Variants in ZNF385D observed in about 807,000 individuals in gnomAD.
ZNF385D encodes the protein zinc finger protein 659.
ZNF385D carries 15 observed loss-of-function variants against 35.8 expected under a neutral mutation model. The ratio of observed to expected loss-of-function variants is 0.42; its 90% CI spans 0.28 to 0.64. The LOEUF (loss-of-function observed/expected upper bound fraction) is 0.64. Among genes scored for constraint, ZNF385D ranks in the 30% least tolerant of loss-of-function variants. The probability of loss-of-function intolerance (pLI) is 0.23; values close to 1 mark genes in which losing one functional copy is unlikely to be tolerated. For missense variants in ZNF385D, 474 were observed against 494.6 expected (o/e 0.96, Z 0.39); for synonymous variants, 212 against 186.8 (o/e 1.13, Z -1.10).
At chr3:21,560,450 T>C in intron 3 of ZNF385D, among the ~76,000 whole-genome samples, 1 of 152,196 alleles carries the variant, frequency 6.6e-6, no homozygotes, top group East Asian at 1.9e-4. Context: ...CAGACCCTGT[T>C]TGCCTGGGTA....
intron 3 of ZNF385D, among the ~76,000 whole-genome samples, chr3:21,524,669 G>A (rs568405951): frequency 1.4e-4 from 22 of 152,282 alleles, no homozygotes; most frequent in African/African-American, 3.4e-4. Flanking sequence ...GAGGGGATTC[G>A]TAAAGTCCAA....
intron 3 of ZNF385D, among the ~76,000 whole-genome samples, chr3:21,802,830 T>C (rs766351547): frequency 2.0e-5 from 3 of 152,272 alleles, no homozygotes; most frequent in South Asian, 2.1e-4. Context: ...AAAGTGTTTG[T>C]GAAATGCTTA....
At chr3:21,498,604 G>T (rs145448573) in intron 4 of ZNF385D, among the ~76,000 whole-genome samples, 1 of 152,058 alleles carries the variant, frequency 6.6e-6, no homozygotes. Context: ...AGGAAAAAAT[G>T]CTCAACATCA....
At chr3:21,873,639 C>T (rs2125851017) in intron 3 of ZNF385D, among the ~76,000 whole-genome samples, 1 of 152,174 alleles carries the variant, frequency 6.6e-6, no homozygotes, top group South Asian at 2.1e-4. Flanking sequence ...CTTCCCATTT[C>T]TGCCTCCGCT....
chr3:21,570,655 G>A (rs577292583), intron 2 of ZNF385D, among the ~76,000 whole-genome samples: 20 of 152,244 alleles, frequency 1.3e-4, no homozygotes, highest in African/African-American at 3.4e-4. Context: ...TGTGTTTGAT[G>A]GTCATAGAAT....
At chr3:21,912,911 C>G (rs1324887076) in intron 3 of ZNF385D, among the ~76,000 whole-genome samples, 3 of 151,928 alleles carry the variant, frequency 2.0e-5, no homozygotes, top group African/African-American at 4.8e-5. Context: ...TCTTGGCTTC[C>G]ACATCTAAGA....
intron 1 of ZNF385D, among the ~76,000 whole-genome samples, chr3:21,705,563 T>C (rs1045001486): frequency 6.6e-6 from 1 of 152,206 alleles, no homozygotes; most frequent in African/African-American, 2.4e-5. Context: ...TACGTGGGCA[T>C]GGGAAGGCAA....
chr3:21,856,355 C>T (rs978022248), intron 3 of ZNF385D, among the ~76,000 whole-genome samples: 1 of 151,976 alleles, frequency 6.6e-6, no homozygotes, highest in Non-Finnish European at 1.5e-5. Context: ...CAGTCAATCC[C>T]TTGGCTTTAA....
rs145798881 is a variant in ZNF385D, at chr3:21,892,650, C to T, written c.326-227622G>A. Among the ~76,000 whole-genome samples, 688 of 152,232 alleles carry T rather than the reference C, an allele frequency of 4.5e-3. 6 individuals are homozygous for T. Among genetic ancestry groups the T allele is most frequent in the African/African-American group, 0.015 (621 of 41,558 alleles). On this transcript the variant is annotated intron_variant, in intron 3 of 5. Transcript: ENST00000494108. ...AAAGGAGCTAAACATAGGTCTTTAA[C>T]AGACTTTAAATTTAAATTAAATTTA...
intron 3 of ZNF385D, chr3:21,957,240 T>A (rs1295416513): frequency 6.5e-6 from 1 of 152,680 alleles, no homozygotes; most frequent in African/African-American, 2.4e-5. Flanking sequence ...CAGTCTTGAG[T>A]ATGTCTTTAC....
chr3:22,121,671 A>ATT (rs59348757), intron 3 of ZNF385D, among the ~76,000 whole-genome samples: 2,635 of 144,902 alleles, frequency 0.018, 59 homozygotes, highest in African/African-American at 0.056. Flanking sequence ...GAATGATGTG[A>ATT]TTTTTTTTTT....
rs142408599 is a variant in ZNF385D at position 21,520,317 on chromosome 3, C to A, written c.277-9294G>T. ...GGATCTCATAACAGAGAGAGGAAGA[C>A]CTGATATTACTCATCATCCTGTCCC... On this transcript the variant is annotated intron_variant, in intron 3 of 7. Coordinates refer to ENST00000281523, the MANE Select transcript of ZNF385D (RefSeq NM_024697.3). 3.2e-3 allele frequency among the ~76,000 whole-genome samples: 487 copies of A among 152,226 alleles called. 1 individual carries two copies. Among genetic ancestry groups the A allele is most frequent in the Non-Finnish European group, 5.5e-3 (373 of 68,010 alleles).
At chr3:21,864,733 A>C (rs150732785) in intron 3 of ZNF385D, among the ~76,000 whole-genome samples, 1 of 152,180 alleles carries the variant, frequency 6.6e-6, no homozygotes, top group Non-Finnish European at 1.5e-5. Context: ...CTCCATTCCA[A>C]TATTTATTCT....
At chr3:22,313,543 GT>G (rs1703709332) in intron 2 of ZNF385D, among the ~76,000 whole-genome samples, 2 of 150,212 alleles carry the variant, frequency 1.3e-5, no homozygotes, top group Non-Finnish European at 3.0e-5. Context: ...CATTTAACAT[GT>G]TTTTAAAAAA....
chr3:22,123,561 A>G (rs1240790870), intron 3 of ZNF385D, among the ~76,000 whole-genome samples: 2 of 152,190 alleles, frequency 1.3e-5, no homozygotes, highest in African/African-American at 4.8e-5. Context: ...TGTACAACAA[A>G]AAATTATTGC....
intron 3 of ZNF385D, among the ~76,000 whole-genome samples, chr3:21,899,557 A>C (rs1478789163): frequency 6.6e-6 from 1 of 152,126 alleles, no homozygotes; most frequent in Non-Finnish European, 1.5e-5. Context: ...TCTAGGCACC[A>C]CATCTCCAGA....
At chr3:21,767,041 G>C (rs1379266601) in intron 3 of ZNF385D, among the ~76,000 whole-genome samples, 1 of 152,006 alleles carries the variant, frequency 6.6e-6, no homozygotes, top group African/African-American at 2.4e-5. Flanking sequence ...ATGAAAAGTG[G>C]TTAAATAATG....
intron 3 of ZNF385D, among the ~76,000 whole-genome samples, chr3:21,858,581 G>A (rs146471796): frequency 6.8e-4 from 104 of 151,908 alleles, no homozygotes; most frequent in African/African-American, 2.3e-3. Context: ...AGAAGGCACC[G>A]AATATGAGGA....
At position 21,960,051 on chromosome 3, in the gene ZNF385D, T is replaced by C. The variant is rs77713993; in HGVS notation, c.325+208766A>G. ...AAAAAAAAAAAAAAGACAAATGGAC[T>C]ATTTTAAGCCAAAAATCTTCTGTAC... On this transcript the variant is annotated intron_variant, in intron 3 of 5. Transcript: ENST00000494108. Among the ~76,000 whole-genome samples the C allele has an allele frequency of 1.2e-3, 179 of 145,616 alleles. 1 individual carries two copies. The highest frequency in any genetic ancestry group is 4.1e-3 in the African/African-American group (162 of 39,878).
Sources: gnomAD v4.1 joint callset for allele counts (sites outside exome capture counted in the v4.1 genomes callset) on GRCh38, gnomAD v4.1.1 for gene constraint, MANE v1.5 for transcripts, NCBI Gene and HGNC (gene_info 2026-07-23, HGNC 2026-07-21) for gene names.